Variants in CTNND2 observed in about 807,000 individuals in gnomAD.
CTNND2 encodes catenin delta-2.
A neutral mutation model predicts 144.4 loss-of-function variants in CTNND2; 22 were observed. That is an observed-to-expected ratio of 0.15 (90% CI 0.11 to 0.22). The LOEUF (loss-of-function observed/expected upper bound fraction) is 0.22, where lower values mean the gene tolerates loss of function less well. CTNND2 is among the 10% of genes least tolerant of loss of function. The probability of loss-of-function intolerance (pLI) is 1.00; values close to 1 mark genes in which losing one functional copy is unlikely to be tolerated. For missense variants in CTNND2, 1,353 were observed against 1,618.8 expected, an observed-to-expected ratio of 0.84 and a Z score of 2.82; for synonymous variants, 751 against 695.6, an observed-to-expected ratio of 1.08 and a Z score of -1.25.
chr5:11,641,630 A>G (rs1561648429), intron 2 of CTNND2, among the ~76,000 whole-genome samples: 2 of 150,766 alleles, frequency 1.3e-5, no homozygotes, highest in Non-Finnish European at 3.0e-5. Flanking sequence ...GTATACATAT[A>G]CGTGTGTGTA....
chr5:11,646,637 C>T (rs1017829819), intron 2 of CTNND2, among the ~76,000 whole-genome samples: 3 of 58,698 alleles, frequency 5.1e-5, no homozygotes, highest in Non-Finnish European at 9.2e-5. Flanking sequence ...TAGGAAATAT[C>T]AAGTAAATTT....
intron 2 of CTNND2, among the ~76,000 whole-genome samples, chr5:11,640,195 A>G (rs977982186): frequency 6.6e-6 from 1 of 152,250 alleles, no homozygotes; most frequent in Non-Finnish European, 1.5e-5. Flanking sequence ...AAACTCTGTT[A>G]ACAAGCAACT....
At chr5:11,419,700 G>T (rs1164399384) in intron 3 of CTNND2, among the ~76,000 whole-genome samples, 1 of 152,104 alleles carries the variant, frequency 6.6e-6, no homozygotes, top group East Asian at 1.9e-4. Flanking sequence ...CATAGCCTTA[G>T]TAACTATCTC....
At chr5:11,041,245 T>C (rs1052095106) in intron 16 of CTNND2, among the ~76,000 whole-genome samples, 1 of 152,248 alleles carries the variant, frequency 6.6e-6, no homozygotes, top group Non-Finnish European at 1.5e-5. Flanking sequence ...GTTTTCTTCA[T>C]ATGCTGTTAC....
chr5:11,527,463 C>G (rs1773358241), intron 3 of CTNND2, among the ~76,000 whole-genome samples: 1 of 152,102 alleles, frequency 6.6e-6, no homozygotes, highest in Non-Finnish European at 1.5e-5. Flanking sequence ...GAATCCCACC[C>G]CCTGTACCCT....
intron 12 of CTNND2, among the ~76,000 whole-genome samples, chr5:11,121,386 T>C (rs530062104): frequency 6.6e-6 from 1 of 152,326 alleles, no homozygotes; most frequent in East Asian, 1.9e-4. Flanking sequence ...GAAATGGGTA[T>C]GGAAAAATTC....
chr5:11,202,516 T>G (rs1308569878), intron 10 of CTNND2, among the ~76,000 whole-genome samples: 3 of 152,212 alleles, frequency 2.0e-5, no homozygotes, highest in African/African-American at 7.2e-5. Flanking sequence ...TGGGGTTTAA[T>G]TTTATCTAAG....
intron 1 of CTNND2, among the ~76,000 whole-genome samples, chr5:11,878,222 G>A (rs1354768844): frequency 6.6e-6 from 1 of 151,960 alleles, no homozygotes; most frequent in East Asian, 1.9e-4. Flanking sequence ...TAACAAATGT[G>A]GTATACAATT....
rs68065137 is a variant in CTNND2 at position 11,382,597 on chromosome 5, G to GTGTATATA, written c.1177+2067_1177+2068insTATATACA. On this transcript the variant is annotated intron_variant, in intron 7 of 21. Transcript: ENST00000304623. ...TGGGCAACCGACAGAGTGAGACTCT[G>GTGTATATA]TGTGTGTGTGTGTGTGTGTGTGTGT... Among the ~76,000 whole-genome samples, 3 of 29,920 alleles carry GTGTATATA rather than the reference G, an allele frequency of 1.0e-4. No individual in the cohort carries two copies. The East Asian group carries it at 4.6e-3, about 46-fold the overall frequency. 19.6% of individuals were successfully genotyped at this position (29,920 alleles called of 152,430 possible).
intron 3 of CTNND2, among the ~76,000 whole-genome samples, chr5:11,449,137 C>T (rs544453324): frequency 1.3e-5 from 2 of 152,108 alleles, no homozygotes; most frequent in South Asian, 2.1e-4. Context: ...AATCAAAACA[C>T]AATTTATTTT....
intron 1 of CTNND2, among the ~76,000 whole-genome samples, chr5:11,873,308 C>T (rs1347622171): frequency 1.3e-5 from 2 of 152,130 alleles, no homozygotes; most frequent in African/African-American, 4.8e-5. Context: ...CAAAATGACT[C>T]AAATTGATAC....
At position 11,790,127 on chromosome 5, in the gene CTNND2, A is replaced by T. The variant is rs185046174; in HGVS notation, c.38-57855T>A. Among the ~76,000 whole-genome samples the T allele has an allele frequency of 7.3e-3, 1,111 of 152,318 alleles. 6 individuals carry two copies. Among genetic ancestry groups the T allele is most frequent in the Non-Finnish European group, 0.013 (872 of 68,014 alleles). On this transcript the variant is annotated intron_variant, in intron 1 of 21. Coordinates refer to ENST00000304623, the MANE Select transcript of CTNND2 (RefSeq NM_001332.4). ...CAGTGTTTAAAATTGAGCTGGACCTATCATTTCATTTACTGATTTCCATTT... is the reference window on the plus strand; with the variant it reads ...CAGTGTTTAAAATTGAGCTGGACCTTTCATTTCATTTACTGATTTCCATTT...
chr5:11,399,863 T>C (rs1460851041), intron 5 of CTNND2, among the ~76,000 whole-genome samples: 1 of 152,240 alleles, frequency 6.6e-6, no homozygotes, highest in East Asian at 1.9e-4. Flanking sequence ...CAAAACCATG[T>C]ATGCATTTTA....
intron 9 of CTNND2, among the ~76,000 whole-genome samples, chr5:11,303,635 A>C (rs1409911059): frequency 1.3e-5 from 2 of 152,202 alleles, no homozygotes; most frequent in Non-Finnish European, 2.9e-5. Context: ...TTCATTCAGG[A>C]AGAGCTCCAA....
intron 3 of CTNND2, among the ~76,000 whole-genome samples, chr5:11,460,481 G>A (rs1054546928): frequency 4.1e-4 from 63 of 152,256 alleles, no homozygotes; most frequent in Non-Finnish European, 7.2e-4. Flanking sequence ...GTTTAGATAT[G>A]AGAACCAAAA....
intron 3 of CTNND2, among the ~76,000 whole-genome samples, chr5:11,539,220 C>A (rs887872425): frequency 6.6e-6 from 1 of 152,090 alleles, no homozygotes; most frequent in Admixed American, 6.5e-5. Context: ...CAAGAGCGTT[C>A]TTTGATTTGG....
chr5:11,528,343 T>C (rs553827658), intron 3 of CTNND2, among the ~76,000 whole-genome samples: 48 of 152,262 alleles, frequency 3.2e-4, no homozygotes, highest in Admixed American at 1.9e-3. Context: ...TTCATTTGTA[T>C]ACTCACTTTG....
chr5:11,460,543 G>A (rs79078108), intron 3 of CTNND2, among the ~76,000 whole-genome samples: 5,933 of 152,200 alleles, frequency 0.039, 395 homozygotes, highest in African/African-American at 0.14. Context: ...ACTGAGTGAT[G>A]CTCTACCCCC....
intron 15 of CTNND2, among the ~76,000 whole-genome samples, chr5:11,093,027 T>A (rs1388308765): frequency 6.6e-6 from 1 of 152,218 alleles, no homozygotes; most frequent in Non-Finnish European, 1.5e-5. Flanking sequence ...GAGATTCTGT[T>A]TCCTTCTTCA....
Sources: gnomAD v4.1 joint callset for allele counts (sites outside exome capture counted in the v4.1 genomes callset) on GRCh38, gnomAD v4.1.1 for gene constraint, MANE v1.5 for transcripts, NCBI Gene and HGNC (gene_info 2026-07-23, HGNC 2026-07-21) for gene names.